CREB5: variants seen among roughly 807,000 people sequenced by gnomAD.
CREB5 encodes cAMP responsive element binding protein 5, also known as cyclic AMP-responsive element-binding protein 5.
A neutral mutation model predicts 57.1 loss-of-function variants in CREB5; 19 were observed. That is an observed-to-expected ratio of 0.33 (90% CI 0.23 to 0.49). The LOEUF is 0.49. CREB5 is among the 20% of genes least tolerant of loss of function. CREB5 has a pLI of 0.99. For synonymous variants in CREB5, 238 were observed against 238.3 expected, an observed-to-expected ratio of 1.00 and a Z score of 0.01; for missense variants, 579 against 671.6, an observed-to-expected ratio of 0.86 and a Z score of 1.52.
At chr7:28,814,214 A>T (rs1809290443) in intron 9 of CREB5, among the ~76,000 whole-genome samples, 1 of 152,264 alleles carries the variant, frequency 6.6e-6, no homozygotes, top group Admixed American at 6.5e-5. Context: ...TTTACTTAAA[A>T]TATAGTCTAG....
At chr7:28,539,451 A>C (rs1214715332) in intron 4 of CREB5, among the ~76,000 whole-genome samples, 1 of 152,216 alleles carries the variant, frequency 6.6e-6, no homozygotes, top group Non-Finnish European at 1.5e-5. Context: ...TTTTACAAAT[A>C]AGGGAATTTA....
intron 4 of CREB5, among the ~76,000 whole-genome samples, chr7:28,521,698 T>C (rs917413809): frequency 2.6e-5 from 4 of 152,236 alleles, no homozygotes; most frequent in Non-Finnish European, 5.9e-5. Flanking sequence ...CCAATCTTAC[T>C]TGGCATTCTT....
intron 1 of CREB5, among the ~76,000 whole-genome samples, chr7:28,449,494 C>T (rs577948358): frequency 6.6e-6 from 1 of 152,356 alleles, no homozygotes; most frequent in African/African-American, 2.4e-5. Context: ...GGATCCTTTT[C>T]TTGCCCTCCT....
intron 4 of CREB5, among the ~76,000 whole-genome samples, chr7:28,516,677 G>A (rs1244675310): frequency 6.6e-6 from 1 of 152,158 alleles, no homozygotes; most frequent in Non-Finnish European, 1.5e-5. Context: ...CCGCCTTAAG[G>A]TCTGGGGAAA....
chr7:28,709,715 G>A (rs759013723), intron 5 of CREB5, among the ~76,000 whole-genome samples: 4 of 151,356 alleles, frequency 2.6e-5, no homozygotes, highest in South Asian at 4.2e-4. Flanking sequence ...AGAAGTTATC[G>A]TTTGCAAAAT....
intron 7 of CREB5, among the ~76,000 whole-genome samples, chr7:28,729,055 G>A (rs186542310): frequency 1.3e-5 from 2 of 152,224 alleles, no homozygotes; most frequent in East Asian, 3.9e-4. Context: ...ATCATTTATT[G>A]TCAATACCTC....
At chr7:28,698,371 A>AAAAC (rs771303516) in intron 5 of CREB5, among the ~76,000 whole-genome samples, 1 of 143,886 alleles carries the variant, frequency 6.9e-6, no homozygotes, top group African/African-American at 2.6e-5. Context: ...AAAAAAAAAA[A>AAAAC]CACACTCACA....
At chr7:28,756,558 A>AG (rs1227577821) in intron 7 of CREB5, among the ~76,000 whole-genome samples, 1 of 42,312 alleles carries the variant, frequency 2.4e-5, no homozygotes, top group Non-Finnish European at 7.3e-5. Context: ...TTCCATCTCC[A>AG]AAAAAAAAAA....
intron 1 of CREB5, among the ~76,000 whole-genome samples, chr7:28,306,261 CTG>C (rs1785179101): frequency 2.0e-5 from 3 of 152,184 alleles, no homozygotes; most frequent in Non-Finnish European, 2.9e-5. Flanking sequence ...TATGTGCCTG[CTG>C]TGTTACTCTT....
intron 1 of CREB5, among the ~76,000 whole-genome samples, chr7:28,414,273 C>T (rs1191399484): frequency 7.9e-6 from 1 of 126,128 alleles, no homozygotes; most frequent in African/African-American, 3.1e-5. Context: ...TGGATTTCTA[C>T]AGCAATTTAA....
intron 1 of CREB5, among the ~76,000 whole-genome samples, chr7:28,386,350 C>T (rs2215596): frequency 0.17 from 26,053 of 152,120 alleles, 2,340 homozygotes; most frequent in East Asian, 0.21. Context: ...TTGTAGACTT[C>T]ATGTCATTAC....
intron 7 of CREB5, among the ~76,000 whole-genome samples, chr7:28,752,513 G>A (rs1805044011): frequency 6.6e-6 from 1 of 152,164 alleles, no homozygotes; most frequent in Non-Finnish European, 1.5e-5. Flanking sequence ...TTTGAGACAA[G>A]CGAACACCCT....
chr7:28,309,474 C>G (rs1785239736), intron 1 of CREB5, among the ~76,000 whole-genome samples: 1 of 152,138 alleles, frequency 6.6e-6, no homozygotes, highest in South Asian at 2.1e-4. Flanking sequence ...CTCTGTATTT[C>G]CTTTCCAGGG....
chr7:28,560,871 TGCGC>T lies in CREB5; in HGVS notation c.292-9492_292-9489del, dbSNP rs1233149536. 5.5e-4 allele frequency among the ~76,000 whole-genome samples: 21 copies of T among 37,998 alleles called. 2 individuals are homozygous for T. Among genetic ancestry groups the T allele is most frequent in the East Asian group, 1.9e-3 (2 of 1,038 alleles). The allele number at this position is 37,998 out of a possible 152,430, so 24.9% of individuals were successfully genotyped here. A position where few individuals can be genotyped will look rare whatever the true frequency, so the allele number is the denominator to read the frequency against. On this transcript the variant is annotated intron_variant, in intron 4 of 10. Coordinates refer to ENST00000357727, the MANE Select transcript of CREB5 (RefSeq NM_182898.4). ...GCGTGTGTGTGTGCGTGTGCCTGCG[TGCGC>T]GTGCGTGCGTGCGTGTGTGTGCGTG...
At chr7:28,601,197 C>T (rs1796907696) in intron 5 of CREB5, among the ~76,000 whole-genome samples, 1 of 151,568 alleles carries the variant, frequency 6.6e-6, no homozygotes, top group South Asian at 2.1e-4. Flanking sequence ...GGGGGCTCCA[C>T]ATAGTTAGCC....
At chr7:28,514,533 C>T (rs1792857867) in intron 4 of CREB5, among the ~76,000 whole-genome samples, 1 of 152,094 alleles carries the variant, frequency 6.6e-6, no homozygotes, top group African/African-American at 2.4e-5. Context: ...GTAGCTGGGA[C>T]TACAGGCGCC....
At chr7:28,393,296 T>G (rs1787261704) in intron 1 of CREB5, among the ~76,000 whole-genome samples, 1 of 152,238 alleles carries the variant, frequency 6.6e-6, no homozygotes, top group Non-Finnish European at 1.5e-5. Context: ...TCAAAATCAT[T>G]GCTTCCTCAG....
intron 5 of CREB5, among the ~76,000 whole-genome samples, chr7:28,616,942 A>G (rs954089911): frequency 2.0e-5 from 3 of 152,236 alleles, no homozygotes; most frequent in African/African-American, 4.8e-5. Flanking sequence ...GTCCCTATAA[A>G]GCATAAAGCT....
chr7:28,373,906 T>TAC (rs760261041), intron 1 of CREB5, among the ~76,000 whole-genome samples: 9 of 114,744 alleles, frequency 7.8e-5, no homozygotes, highest in African/African-American at 1.7e-4. Context: ...TCTGCATCCA[T>TAC]ATATATATAT....
Sources: allele counts gnomAD v4.1 joint callset (sites outside exome capture counted in the v4.1 genomes callset), GRCh38; gene constraint gnomAD v4.1.1; transcripts MANE v1.5; gene names NCBI Gene and HGNC (gene_info 2026-07-23, HGNC 2026-07-21).